Variants in CAMTA1 observed in about 807,000 individuals in gnomAD.
CAMTA1 encodes calmodulin-binding transcription activator 1.
Under a neutral mutation model 170.9 loss-of-function variants are expected in CAMTA1, and 27 were observed. The ratio of observed to expected loss-of-function variants is 0.16; its 90% CI spans 0.12 to 0.22. The LOEUF (loss-of-function observed/expected upper bound fraction) is 0.22. Among genes scored for constraint, CAMTA1 ranks in the 10% least tolerant of loss-of-function variants. The pLI, the probability that CAMTA1 is intolerant of heterozygous loss-of-function variation, is 1.00. For synonymous variants in CAMTA1, 833 were observed against 891.5 expected (o/e 0.93, Z 1.17); for missense variants, 1,619 against 2,217.2 (o/e 0.73, Z 5.42).
chr1:6,795,639 C>T (rs373532219), intron 1 of CAMTA1, among the ~76,000 whole-genome samples: 11 of 151,998 alleles, frequency 7.2e-5, no homozygotes, highest in African/African-American at 2.7e-4. Context: ...TTCTCCATTC[C>T]CTCATTCTGA....
chr1:7,723,347 G>A (rs1433576891), intron 11 of CAMTA1, among the ~76,000 whole-genome samples: 2 of 152,138 alleles, frequency 1.3e-5, no homozygotes, highest in African/African-American at 4.8e-5. Context: ...AACACTTGGA[G>A]CAACAAAATA....
intron 7 of CAMTA1, among the ~76,000 whole-genome samples, chr1:7,645,588 G>A (rs2095797347): frequency 6.6e-6 from 1 of 152,242 alleles, no homozygotes; most frequent in Non-Finnish European, 1.5e-5. Flanking sequence ...CTGCAGCCAT[G>A]AGCAAGTCCT....
At chr1:7,485,264 C>G (rs1195183740) in intron 6 of CAMTA1, among the ~76,000 whole-genome samples, 1 of 152,178 alleles carries the variant, frequency 6.6e-6, no homozygotes, top group Non-Finnish European at 1.5e-5. Context: ...ACCCATGTCT[C>G]CATCGTGCCT....
At chr1:7,227,387 G>C (rs903341664) in intron 4 of CAMTA1, among the ~76,000 whole-genome samples, 4 of 152,106 alleles carry the variant, frequency 2.6e-5, no homozygotes, top group Non-Finnish European at 4.4e-5. Context: ...ACGTGCAATG[G>C]TGTGATCTTG....
At chr1:6,884,549 C>G (rs1363900204) in intron 3 of CAMTA1, among the ~76,000 whole-genome samples, 1 of 152,154 alleles carries the variant, frequency 6.6e-6, no homozygotes, top group Non-Finnish European at 1.5e-5. Flanking sequence ...TGCCCCAATT[C>G]TGTACCTTTA....
chr1:7,271,819 TAA>T (rs1194304389), intron 5 of CAMTA1, among the ~76,000 whole-genome samples: 1 of 151,976 alleles, frequency 6.6e-6, no homozygotes, highest in Non-Finnish European at 1.5e-5. Flanking sequence ...AAAAGGATTA[TAA>T]AAAGAATACT....
At chr1:7,022,240 T>A (rs774158543) in intron 3 of CAMTA1, among the ~76,000 whole-genome samples, 3 of 152,134 alleles carry the variant, frequency 2.0e-5, no homozygotes, top group Non-Finnish European at 4.4e-5. Flanking sequence ...CTTTCCTCCC[T>A]CAGCCACTTA....
chr1:7,076,786 G>T (rs1318663712), intron 3 of CAMTA1, among the ~76,000 whole-genome samples: 1 of 152,184 alleles, frequency 6.6e-6, no homozygotes, highest in African/African-American at 2.4e-5. Context: ...GGAGGGCTGT[G>T]TTCATGCATA....
chr1:6,973,327 C>T (rs1285862510), intron 3 of CAMTA1, among the ~76,000 whole-genome samples: 1 of 152,190 alleles, frequency 6.6e-6, no homozygotes, highest in Admixed American at 6.5e-5. Flanking sequence ...GTCATTGCTT[C>T]TAGGGGTTTG....
intron 4 of CAMTA1, among the ~76,000 whole-genome samples, chr1:7,181,352 T>G (rs1433671984): frequency 6.6e-6 from 1 of 152,232 alleles, no homozygotes; most frequent in Non-Finnish European, 1.5e-5. Flanking sequence ...ATTCATTATC[T>G]CTGCTACTAT....
chr1:6,793,697 G>A (rs1309184335), intron 1 of CAMTA1, among the ~76,000 whole-genome samples: 1 of 152,006 alleles, frequency 6.6e-6, no homozygotes, highest in Non-Finnish European at 1.5e-5. Flanking sequence ...ACAACCAGAG[G>A]TATTCTTTCA....
intron 6 of CAMTA1, among the ~76,000 whole-genome samples, chr1:7,638,024 G>A (rs1040093587): frequency 2.0e-5 from 3 of 152,174 alleles, no homozygotes; most frequent in African/African-American, 7.2e-5. Context: ...GTTTAATTAT[G>A]CCAGTCTCCT....
At chr1:6,787,571 C>CAT (rs1377255409) in intron 1 of CAMTA1, among the ~76,000 whole-genome samples, 3 of 152,180 alleles carry the variant, frequency 2.0e-5, no homozygotes, top group Non-Finnish European at 4.4e-5. Flanking sequence ...ATTTTGGGTG[C>CAT]ATATGGGGAC....
At chr1:6,981,340 C>T (rs1557921500) in intron 3 of CAMTA1, among the ~76,000 whole-genome samples, 1 of 151,810 alleles carries the variant, frequency 6.6e-6, no homozygotes, top group African/African-American at 2.4e-5. Context: ...TGGTAATTGC[C>T]CCACATTTAA....
intron 4 of CAMTA1, among the ~76,000 whole-genome samples, chr1:7,126,280 G>A (rs1644928921): frequency 6.6e-6 from 1 of 152,114 alleles, no homozygotes. Flanking sequence ...CCTAACAAAT[G>A]CCTGCCTGTC....
At chr1:7,730,018 C>T (rs548593329) in intron 11 of CAMTA1, among the ~76,000 whole-genome samples, 41 of 152,340 alleles carry the variant, frequency 2.7e-4, no homozygotes, top group Non-Finnish European at 5.1e-4. Context: ...TATGTGGTCA[C>T]AGCTGTTCAG....
At chr1:7,012,838 C>T (rs139665384) in intron 3 of CAMTA1, among the ~76,000 whole-genome samples, 1,645 of 152,252 alleles carry the variant, frequency 0.011, 13 homozygotes, top group Admixed American at 0.02. Context: ...TGTAGCTTCC[C>T]GCCATGTGCC....
intron 3 of CAMTA1, among the ~76,000 whole-genome samples, chr1:6,913,119 C>G (rs1287084047): frequency 1.3e-5 from 2 of 152,234 alleles, no homozygotes; most frequent in Non-Finnish European, 2.9e-5. Context: ...TTTCCTTCCT[C>G]TTCATGTTTG....
At chr1:6,928,038 G>T in intron 3 of CAMTA1, among the ~76,000 whole-genome samples, 1 of 152,166 alleles carries the variant, frequency 6.6e-6, no homozygotes. Context: ...CACTCTCTCC[G>T]CTCCCCTGCA....
Sources: gnomAD v4.1 joint callset for allele counts (sites outside exome capture counted in the v4.1 genomes callset) on GRCh38, gnomAD v4.1.1 for gene constraint, MANE v1.5 for transcripts, NCBI Gene and HGNC (gene_info 2026-07-23, HGNC 2026-07-21) for gene names.